The following GAS7 variants were observed in gnomAD, a reference collection of about 807,000 sequenced individuals.
GAS7 encodes growth arrest specific 7.
A neutral mutation model predicts 71.1 loss-of-function variants in GAS7; 28 were observed. The observed-to-expected ratio is 0.39, with a 90% CI of 0.29 to 0.54. The LOEUF is 0.54. Among genes scored for constraint, GAS7 ranks in the 20% least tolerant of loss-of-function variants. GAS7 has a pLI of 0.62. For missense variants in GAS7, 436 were observed against 627.8 expected (o/e 0.69, Z 3.27); for synonymous variants, 258 against 245.8 (o/e 1.05, Z -0.46).
At chr17:9,965,766 C>A (rs2069681824) in intron 4 of GAS7, among the ~76,000 whole-genome samples, 1 of 152,210 alleles carries the variant, frequency 6.6e-6, no homozygotes, top group South Asian at 2.1e-4. Context: ...CCTGGGCCGA[C>A]TGCCCCAGGG....
At chr17:9,970,008 G>A (rs959042228) in intron 3 of GAS7, among the ~76,000 whole-genome samples, 18 of 152,130 alleles carry the variant, frequency 1.2e-4, no homozygotes, top group East Asian at 9.6e-4. Context: ...TTTTTAACCC[G>A]AGAGCAAAAG....
Position 10,019,912 on chromosome 17 carries a change from A to G in GAS7, c.184-15T>C. On this transcript the variant is annotated splice_polypyrimidine_tract_variant and intron_variant, in intron 1 of 13. Transcript: ENST00000432992. Reference sequence around the variant, plus strand: ...ATTCCAGGCTTCTGTTGGAGAAGAAAGAAAAGGTCACACCCATTTGGCATT... The same window carrying G: ...ATTCCAGGCTTCTGTTGGAGAAGAAGGAAAAGGTCACACCCATTTGGCATT... 2 of 1,612,050 alleles carry G rather than the reference A, an allele frequency of 1.2e-6. No homozygotes were observed. Among genetic ancestry groups the G allele is most frequent in the South Asian group, 2.2e-5 (2 of 91,050 alleles).
chr17:9,958,119 T>C (rs1430484550), intron 5 of GAS7, among the ~76,000 whole-genome samples: 1 of 152,110 alleles, frequency 6.6e-6, no homozygotes, highest in African/African-American at 2.4e-5. Flanking sequence ...ATTTCCCCAC[T>C]TGACAGTTAT....
At chr17:10,170,158 C>T (rs1276727202) in intron 1 of GAS7, among the ~76,000 whole-genome samples, 3 of 152,152 alleles carry the variant, frequency 2.0e-5, no homozygotes, top group Non-Finnish European at 2.9e-5. Flanking sequence ...CTGCTCCCCC[C>T]TCCATCCCCC....
intron 1 of GAS7, among the ~76,000 whole-genome samples, chr17:10,072,513 A>C (rs538495725): frequency 6.6e-6 from 1 of 152,124 alleles, no homozygotes; most frequent in African/African-American, 2.4e-5. Context: ...TGTAGAGAAG[A>C]GCCAAGGCAG....
At chr17:10,163,590 G>C (rs1178546931) in intron 1 of GAS7, among the ~76,000 whole-genome samples, 1 of 152,142 alleles carries the variant, frequency 6.6e-6, no homozygotes, top group Non-Finnish European at 1.5e-5. Context: ...AGTACCTCCT[G>C]AATATTGTCT....
At chr17:10,091,900 G>T (rs982048294) in intron 1 of GAS7, among the ~76,000 whole-genome samples, 2 of 151,738 alleles carry the variant, frequency 1.3e-5, no homozygotes, top group African/African-American at 4.8e-5. Context: ...GCCCAGGCTG[G>T]TCTCAAACTC....
At chr17:9,991,589 G>A (rs1597628459) in intron 2 of GAS7, among the ~76,000 whole-genome samples, 2 of 152,212 alleles carry the variant, frequency 1.3e-5, no homozygotes, top group South Asian at 2.1e-4. Context: ...CAAGGAATTC[G>A]AAGGGTCGCA....
intron 1 of GAS7, among the ~76,000 whole-genome samples, chr17:10,132,024 T>C (rs779569363): frequency 3.3e-5 from 5 of 151,946 alleles, no homozygotes; most frequent in Non-Finnish European, 5.9e-5. Context: ...AACGTACTCA[T>C]GAACATATGA....
chr17:9,988,687 G>GA (rs548338091), intron 2 of GAS7, among the ~76,000 whole-genome samples: 21 of 148,854 alleles, frequency 1.4e-4, no homozygotes, highest in African/African-American at 3.4e-4. Flanking sequence ...ACTCCATCTC[G>GA]AAAAAAAAAA....
chr17:10,180,044 G>T (rs1324920007), intron 1 of GAS7, among the ~76,000 whole-genome samples: 1 of 152,044 alleles, frequency 6.6e-6, no homozygotes, highest in African/African-American at 2.4e-5. Flanking sequence ...CCCACTTAAA[G>T]ATACGGAAAC....
intron 1 of GAS7, among the ~76,000 whole-genome samples, chr17:10,084,605 T>C (rs1225558854): frequency 1.3e-5 from 2 of 152,150 alleles, no homozygotes; most frequent in East Asian, 3.9e-4. Flanking sequence ...TAGCTGAGAT[T>C]ACAGGCACCT....
At chr17:10,147,341 C>T (rs1349604683) in intron 1 of GAS7, among the ~76,000 whole-genome samples, 1 of 152,086 alleles carries the variant, frequency 6.6e-6, no homozygotes, top group Non-Finnish European at 1.5e-5. Flanking sequence ...CAGAGGGTGG[C>T]GTGTATGTGT....
intron 1 of GAS7, among the ~76,000 whole-genome samples, chr17:10,168,574 T>C (rs2074312061): frequency 6.6e-6 from 1 of 152,224 alleles, no homozygotes; most frequent in South Asian, 2.1e-4. Context: ...CTGTAGGCCC[T>C]AGGATGTTGT....
chr17:10,118,500 C>T (rs1270036281), intron 1 of GAS7, among the ~76,000 whole-genome samples: 1 of 152,120 alleles, frequency 6.6e-6, no homozygotes, highest in Non-Finnish European at 1.5e-5. Flanking sequence ...CCCTTGAGGT[C>T]CGGAGTTTGA....
At chr17:9,922,420 T>C (rs2067851946) in intron 11 of GAS7, among the ~76,000 whole-genome samples, 1 of 152,336 alleles carries the variant, frequency 6.6e-6, no homozygotes, top group Middle Eastern at 3.4e-3. Context: ...GTGGACCTCA[T>C]GGAAGGTTCT....
chr17:10,183,465 A>G (rs1174177568), intron 1 of GAS7, among the ~76,000 whole-genome samples: 10 of 152,174 alleles, frequency 6.6e-5, no homozygotes, highest in Admixed American at 6.6e-4. Context: ...AACTGCACTT[A>G]CAGAGTGTGT....
chr17:10,060,469 A>C (rs768003220), intron 1 of GAS7, among the ~76,000 whole-genome samples: 3 of 152,094 alleles, frequency 2.0e-5, no homozygotes, highest in Admixed American at 2.0e-4. Flanking sequence ...GACAGAAGTT[A>C]CTGATTCCCA....
rs72809389 is a variant in GAS7, at chr17:10,144,720, A to T, written c.183+53488T>A. Among the ~76,000 whole-genome samples the T allele has an allele frequency of 8.3e-3, 1,263 of 151,716 alleles. 17 individuals carry two copies. Among genetic ancestry groups the T allele is most frequent in the South Asian group, 0.068 (329 of 4,804 alleles). On this transcript the variant is annotated intron_variant, in intron 1 of 13. Transcript: ENST00000432992. ...CAGCATGCCCAGATAATTTTGGAAA[A>T]CATTTTTTCTAGAGATAGGATCTTG...
Sources: allele counts gnomAD v4.1 joint callset (sites outside exome capture counted in the v4.1 genomes callset), GRCh38; gene constraint gnomAD v4.1.1; transcripts MANE v1.5; gene names NCBI Gene and HGNC (gene_info 2026-07-23, HGNC 2026-07-21).